The following ARL15 variants were observed in gnomAD, a reference collection of about 807,000 sequenced individuals.
The protein encoded by ARL15 is ARF like GTPase 15, also known as ADP-ribosylation factor-like protein 15.
ARL15 carries 19 observed loss-of-function variants against 25.2 expected under a neutral mutation model. The ratio of observed to expected loss-of-function variants is 0.75; its 90% CI spans 0.53 to 1.10. ARL15 has a LOEUF of 1.10. Among genes scored for constraint, ARL15 ranks in the 50% least tolerant of loss-of-function variants. ARL15 has a pLI of 0.00. For missense variants in ARL15, 220 were observed against 246.0 expected, an observed-to-expected ratio of 0.89 and a Z score of 0.71; for synonymous variants, 94 against 86.8, an observed-to-expected ratio of 1.08 and a Z score of -0.46.
intron 1 of ARL15, among the ~76,000 whole-genome samples, chr5:54,240,656 TG>T (rs1487794726): frequency 2.6e-5 from 4 of 152,124 alleles, no homozygotes; most frequent in African/African-American, 9.7e-5. Context: ...CTCAAAAAAC[TG>T]GGTGAACATG....
chr5:54,198,628 T>C (rs1407746936), intron 1 of ARL15, among the ~76,000 whole-genome samples: 2 of 148,718 alleles, frequency 1.3e-5, no homozygotes, highest in Non-Finnish European at 3.0e-5. Flanking sequence ...TACAAACCAC[T>C]GCTCAATGAA....
rs181016309 is a variant in ARL15 at position 54,153,347 on chromosome 5, C to T, written c.253+1233G>A. Among the ~76,000 whole-genome samples the T allele has an allele frequency of 1.8e-4, 27 of 152,078 alleles. No individual in the cohort carries two copies. The East Asian group carries it at 2.9e-3, about 16-fold the overall frequency. On this transcript the variant is annotated intron_variant, in intron 3 of 4. Transcript: ENST00000504924. ...AAATTAAATTAAACTAATTTCTAGACGTTAATTTATCAATAGTTTCTGAGC... is the reference window on the plus strand; with the variant it reads ...AAATTAAATTAAACTAATTTCTAGATGTTAATTTATCAATAGTTTCTGAGC...
chr5:54,076,045 G>T (rs113638268), intron 4 of ARL15, among the ~76,000 whole-genome samples: 1 of 151,948 alleles, frequency 6.6e-6, no homozygotes. Context: ...ACATACACAC[G>T]CACCACAGAG....
At chr5:54,175,041 C>T (rs1754825656) in intron 1 of ARL15, among the ~76,000 whole-genome samples, 1 of 152,202 alleles carries the variant, frequency 6.6e-6, no homozygotes, top group African/African-American at 2.4e-5. Flanking sequence ...GGCCTGACTA[C>T]CCTGGCCCAA....
At position 54,293,112 on chromosome 5, in the gene ARL15, T is replaced by G. The variant is rs532956224; in HGVS notation, c.48+17320A>C. ...AAAGATCAAGTTTCATGATAAAACCTATGTTCTGCCTTCTCACTGAAGATC... is the reference window on the plus strand; with the variant it reads ...AAAGATCAAGTTTCATGATAAAACCGATGTTCTGCCTTCTCACTGAAGATC... On this transcript the variant is annotated intron_variant, in intron 1 of 4. Coordinates refer to ENST00000504924, the MANE Select transcript of ARL15 (RefSeq NM_019087.3). 2.0e-5 allele frequency among the ~76,000 whole-genome samples: 3 copies of G among 152,326 alleles called. No homozygotes were observed. The South Asian group carries it at 6.2e-4, about 32-fold the overall frequency.
chr5:54,040,662 T>C (rs1223751712), intron 4 of ARL15, among the ~76,000 whole-genome samples: 1 of 152,130 alleles, frequency 6.6e-6, no homozygotes, highest in Non-Finnish European at 1.5e-5. Context: ...AGAGTTTCAG[T>C]GTTATAATGA....
intron 4 of ARL15, among the ~76,000 whole-genome samples, chr5:54,109,359 A>G (rs2112205615): frequency 6.6e-6 from 1 of 152,148 alleles, no homozygotes; most frequent in East Asian, 1.9e-4. Flanking sequence ...TTTTGGATTA[A>G]GGATATAGAC....
At chr5:54,078,643 A>C (rs1296119177) in intron 4 of ARL15, among the ~76,000 whole-genome samples, 1 of 152,230 alleles carries the variant, frequency 6.6e-6, no homozygotes, top group Non-Finnish European at 1.5e-5. Context: ...CCTCCCTAAC[A>C]TTAATAGCTA....
rs1756431085 is a variant in ARL15, at chr5:54,223,310, T to C, written c.49-51382A>G. 4.6e-5 allele frequency among the ~76,000 whole-genome samples: 7 copies of C among 152,250 alleles called. 1 individual carries two copies. In the South Asian group the frequency reaches 1.5e-3, roughly 32 times the overall value. The stretch of plus-strand genomic sequence containing the variant: ...TTAAAAAAGACCACCTAGGATATGT[T>C]TGTGTTCAGATTTGTTAAAATGCAG... On this transcript the variant is annotated intron_variant, in intron 1 of 4. Coordinates refer to ENST00000504924, the MANE Select transcript of ARL15 (RefSeq NM_019087.3).
At chr5:54,282,405 T>A (rs894819702) in intron 1 of ARL15, 1 of 985,292 alleles carries the variant, frequency 1.0e-6, no homozygotes, top group African/African-American at 1.7e-5. Context: ...TGCTCTTGTT[T>A]CCCTCTTTAA....
At chr5:54,014,731 G>C (rs1467124224) in intron 4 of ARL15, among the ~76,000 whole-genome samples, 8 of 151,578 alleles carry the variant, frequency 5.3e-5, no homozygotes, top group African/African-American at 1.9e-4. Context: ...TCGCCATGTT[G>C]GTCAGTCTGG....
rs189483540 is a variant in ARL15 at position 54,275,553 on chromosome 5, A to T, written c.48+34879T>A. On this transcript the variant is annotated intron_variant, in intron 1 of 4. Coordinates refer to ENST00000504924, the MANE Select transcript of ARL15 (RefSeq NM_019087.3). ...GAGTGGTGAACCTCCTGCAGCCTGC[A>T]CATGAGCAGAAGCACTGAGGCAATG... Among the ~76,000 whole-genome samples, 1,160 of 152,312 alleles carry T rather than the reference A, an allele frequency of 7.6e-3. 7 individuals are homozygous for T. Among genetic ancestry groups the T allele is most frequent in the Non-Finnish European group, 0.012 (791 of 68,024 alleles).
chr5:54,058,543 A>C (rs1389717133), intron 4 of ARL15, among the ~76,000 whole-genome samples: 1 of 152,202 alleles, frequency 6.6e-6, no homozygotes, highest in Non-Finnish European at 1.5e-5. Context: ...TGTGAGAAGG[A>C]AATACGTGCT....
chr5:54,216,833 G>A (rs1022244576), intron 1 of ARL15, among the ~76,000 whole-genome samples: 25 of 152,192 alleles, frequency 1.6e-4, no homozygotes, highest in Non-Finnish European at 3.1e-4. Flanking sequence ...CCTTAGACCC[G>A]TACAAGTTAA....
At chr5:54,222,410 AAAAC>A (rs1756403831) in intron 1 of ARL15, among the ~76,000 whole-genome samples, 1 of 152,218 alleles carries the variant, frequency 6.6e-6, no homozygotes, top group Non-Finnish European at 1.5e-5. Flanking sequence ...AACACAACAA[AAAAC>A]AAACAAGCAA....
chr5:53,961,278 A>C (rs1419831982), intron 4 of ARL15, among the ~76,000 whole-genome samples: 1 of 152,054 alleles, frequency 6.6e-6, no homozygotes, highest in East Asian at 1.9e-4. Flanking sequence ...TGGGTGGATC[A>C]CCCGAGGTCA....
intron 1 of ARL15, among the ~76,000 whole-genome samples, chr5:54,227,461 G>C (rs969565349): frequency 3.9e-5 from 6 of 152,180 alleles, no homozygotes; most frequent in Non-Finnish European, 7.3e-5. Context: ...CTTTTTATCA[G>C]TGAAAAAATA....
chr5:53,949,104 C>A (rs532901388), intron 4 of ARL15, among the ~76,000 whole-genome samples: 1 of 152,194 alleles, frequency 6.6e-6, no homozygotes, highest in Non-Finnish European at 1.5e-5. Flanking sequence ...CTGCCTGCCA[C>A]ATGGAAGGTG....
intron 3 of ARL15, among the ~76,000 whole-genome samples, chr5:54,121,237 T>C (rs157235): frequency 0.89 from 135,155 of 152,208 alleles, 60,292 homozygotes; most frequent in East Asian, 0.98. Flanking sequence ...TGCTCTGCAA[T>C]ATATGACTGC....
Sources: gnomAD v4.1 joint callset for allele counts (sites outside exome capture counted in the v4.1 genomes callset) on GRCh38, gnomAD v4.1.1 for gene constraint, MANE v1.5 for transcripts, NCBI Gene and HGNC (gene_info 2026-07-23, HGNC 2026-07-21) for gene names.